Variants in ANKRD17 observed in about 807,000 individuals in gnomAD.
The protein encoded by ANKRD17 is ankyrin repeat domain 17, also known as ankyrin repeat domain-containing protein 17.
ANKRD17 carries 19 observed loss-of-function variants against 229.7 expected under a neutral mutation model. The observed-to-expected ratio is 0.08, with a 90% CI of 0.06 to 0.12. The LOEUF is 0.12. ANKRD17 is among the 10% of genes least tolerant of loss of function. The pLI, the probability that ANKRD17 is intolerant of heterozygous loss-of-function variation, is 1.00. For synonymous variants in ANKRD17, 1,112 were observed against 1,146.1 expected (o/e 0.97, Z 0.60); for missense variants, 2,176 against 3,176.8 (o/e 0.68, Z 7.57).
chr4:73,135,339 A>T, intron 15 of ANKRD17, 74 bp from the exon 16 acceptor site: 1 of 1,406,748 alleles, frequency 7.1e-7, no homozygotes, highest in Non-Finnish European at 9.7e-7. Context: ...TCACTCAAAA[A>T]TATTTAAAGA....
At chr4:73,094,297 G>GA (rs1723071440) in intron 27 of ANKRD17, 69 bp from the exon 28 acceptor site, 2 of 1,374,858 alleles carry the variant, frequency 1.5e-6, no homozygotes. Context: ...TTTAAAAGAG[G>GA]AAAGAGTATT....
In ANKRD17 at chr4:73,148,800, T is replaced by C. The variant is rs1243423731; in HGVS notation, c.1567+13A>G. On this transcript the variant is annotated intron_variant, in intron 8 of 33. Transcript: ENST00000358602. Reference sequence around the variant, plus strand: ...ACACATTTATACTTTAGTGTCTTGATAGATACGGTTACCTTGACCAAGAAG... The same window carrying C: ...ACACATTTATACTTTAGTGTCTTGACAGATACGGTTACCTTGACCAAGAAG... The C allele has an allele frequency of 1.9e-6, 3 of 1,605,484 alleles. No homozygotes were observed. Among genetic ancestry groups the C allele is most frequent in the South Asian group, 1.1e-5 (1 of 90,888 alleles).
intron 24 of ANKRD17, among the ~76,000 whole-genome samples, chr4:73,113,495 G>C (rs1483048075): frequency 6.6e-6 from 1 of 152,176 alleles, no homozygotes; most frequent in Non-Finnish European, 1.5e-5. Context: ...AACAGATGTG[G>C]TTGAGGATTA....
intron 1 of ANKRD17, among the ~76,000 whole-genome samples, chr4:73,181,372 G>C (rs1234384418): frequency 6.6e-6 from 1 of 152,096 alleles, no homozygotes; most frequent in Non-Finnish European, 1.5e-5. Context: ...AGGATAGAAA[G>C]TGCATAAGGT....
intron 1 of ANKRD17, among the ~76,000 whole-genome samples, chr4:73,196,356 G>A (rs1053726529): frequency 6.6e-6 from 1 of 151,952 alleles, no homozygotes; most frequent in Non-Finnish European, 1.5e-5. Context: ...CTTCCATTCT[G>A]CCTGCTTTGG....
chr4:73,223,243 T>G (rs1018592092), intron 1 of ANKRD17: 2 of 404,508 alleles, frequency 4.9e-6, no homozygotes, highest in Non-Finnish European at 8.7e-6. Context: ...AGCAAACTTC[T>G]GTCAAGTAAT....
chr4:73,134,979 T>G (rs1728706718), intron 16 of ANKRD17, 138 bp downstream of exon 16: 1 of 794,726 alleles, frequency 1.3e-6, no homozygotes, highest in Non-Finnish European at 1.8e-6. Flanking sequence ...AAATGTGAAC[T>G]TTAATTAATT....
chr4:73,200,790 T>A (rs1738559363), intron 1 of ANKRD17, among the ~76,000 whole-genome samples: 1 of 152,024 alleles, frequency 6.6e-6, no homozygotes, highest in South Asian at 2.1e-4. Context: ...AAACCTGTAA[T>A]TTCTCAATAC....
intron 1 of ANKRD17, among the ~76,000 whole-genome samples, chr4:73,197,307 G>C (rs927166429): frequency 6.6e-6 from 1 of 152,140 alleles, no homozygotes; most frequent in African/African-American, 2.4e-5. Flanking sequence ...AGATAACTGT[G>C]CTATCATGCA....
intron 1 of ANKRD17, among the ~76,000 whole-genome samples, chr4:73,209,584 G>A (rs938260579): frequency 6.6e-6 from 1 of 152,202 alleles, no homozygotes. Flanking sequence ...TCGGAAAACA[G>A]AAAAGAAGGA....
rs1560798257 is a variant in ANKRD17 at position 73,258,309 on chromosome 4, C to G, written c.360G>C (p.Glu120Asp). 4 of 1,613,798 alleles carry G rather than the reference C, an allele frequency of 2.5e-6. No homozygotes were observed. The South Asian group carries it at 3.3e-5, about 13-fold the overall frequency. ...CCTCCTCTTCCTCGTCGTCGTCGTCCTCTTCTTCCTCGCTGTTGTTACTGC... is the reference window on the plus strand; with the variant it reads ...CCTCCTCTTCCTCGTCGTCGTCGTCGTCTTCTTCCTCGCTGTTGTTACTGC... ...GTSSNNSEEE[E>D]DDDDEEEEVS... Residue 120 changes from glutamate to aspartate, a missense_variant, in exon 1 of 34, where the codon GAG becomes GAC. Physicochemically the swap from Glu to Asp is conservative, Grantham distance 45. Coordinates refer to ENST00000358602, the MANE Select transcript of ANKRD17 (RefSeq NM_032217.5).
intron 1 of ANKRD17, among the ~76,000 whole-genome samples, chr4:73,219,080 A>G (rs539203906): frequency 6.6e-5 from 10 of 152,244 alleles, no homozygotes; most frequent in East Asian, 1.9e-4. Context: ...AACCAAACCC[A>G]TATCTGTCCA....
At chr4:73,226,542 T>C (rs1578462541) in intron 1 of ANKRD17, among the ~76,000 whole-genome samples, 1 of 151,620 alleles carries the variant, frequency 6.6e-6, no homozygotes, top group Non-Finnish European at 1.5e-5. Context: ...TACAGGCGCC[T>C]GCCACCATGC....
At position 73,098,333 on chromosome 4, in the gene ANKRD17, A is replaced by C; in HGVS notation, c.4761T>G (p.Asp1587Glu). Residue 1587 changes from aspartate to glutamate, a missense_variant, in exon 26 of 34, where the codon GAT (aspartate) becomes GAG (glutamate). Asp to Glu is a conservative substitution (Grantham distance 45). Coordinates refer to ENST00000358602, the MANE Select transcript of ANKRD17 (RefSeq NM_032217.5). The stretch of plus-strand genomic sequence containing the variant: ...GCTGACTGTATGAAATTGGTAGTGG[A>C]TCATCAAATATAATTTGAACGTTTT... ...TPENVQIIFD[D>E]PLPISYSQPE... The C allele has an allele frequency of 6.2e-7, 1 of 1,614,224 alleles. No individual in the cohort carries two copies. Among genetic ancestry groups the C allele is most frequent in the Non-Finnish European group, 8.5e-7 (1 of 1,180,044 alleles).
intron 16 of ANKRD17, among the ~76,000 whole-genome samples, chr4:73,128,378 A>G (rs941861468): frequency 6.6e-6 from 1 of 152,244 alleles, no homozygotes; most frequent in East Asian, 1.9e-4. Context: ...AATCAGCAGA[A>G]GAATCAATTT....
In ANKRD17 at chr4:73,177,630, T is replaced by C. The variant is rs1001199069; in HGVS notation, c.394-97A>G. ...AAAAGAAAGCAGGGGAGGGAAAAAA[T>C]ATGTTAACATAATTAACAATGGTAA... On this transcript the variant is annotated intron_variant, in intron 1 of 33. Transcript: ENST00000358602. The C allele has an allele frequency of 1.5e-5, 13 of 878,734 alleles. No homozygotes were observed. The Admixed American group carries it at 2.2e-4, about 15-fold the overall frequency. The allele number at this position is 878,734 out of a possible 1,614,324, so 54.4% of individuals were successfully genotyped here.
chr4:73,181,514 A>T (rs1037924855), intron 1 of ANKRD17, among the ~76,000 whole-genome samples: 1 of 152,216 alleles, frequency 6.6e-6, no homozygotes, highest in Non-Finnish European at 1.5e-5. Flanking sequence ...AGACTGGCAT[A>T]AAGAGATGCA....
intron 1 of ANKRD17, among the ~76,000 whole-genome samples, chr4:73,229,633 C>A (rs1560764190): frequency 6.7e-6 from 1 of 149,846 alleles, no homozygotes. Flanking sequence ...AACCACAATG[C>A]AGAGTCTATA....
intron 2 of ANKRD17, among the ~76,000 whole-genome samples, chr4:73,168,161 T>TA (rs74266869): frequency 3.5e-4 from 51 of 147,202 alleles, no homozygotes; most frequent in South Asian, 6.5e-4. Flanking sequence ...AAAAAAAAAT[T>TA]AAAAAAAAAA....
Sources: gnomAD v4.1 joint callset for allele counts (sites outside exome capture counted in the v4.1 genomes callset) on GRCh38, gnomAD v4.1.1 for gene constraint, MANE v1.5 for transcripts, NCBI Gene and HGNC (gene_info 2026-07-23, HGNC 2026-07-21) for gene names.